The following DMD variants were observed in gnomAD, a reference collection of about 807,000 sequenced individuals.
The protein encoded by DMD is dystrophin.
DMD carries 63 observed loss-of-function variants against 330.1 expected under a neutral mutation model. The ratio of observed to expected loss-of-function variants is 0.19; its 90% CI spans 0.16 to 0.24. DMD has a LOEUF of 0.24. DMD is among the 10% of genes least tolerant of loss of function. The pLI is 1.00. For missense variants in DMD, 3,344 were observed against 2,684.1 expected (o/e 1.25, Z -5.43); for synonymous variants, 1,223 against 959.8 (o/e 1.27, Z -5.07).
At chrX:32,260,052 C>CCCT (rs1184456270) in intron 43 of DMD, among the ~76,000 whole-genome samples, 76 of 111,107 alleles carry the variant, frequency 6.8e-4, no homozygotes, top group Non-Finnish European at 1.3e-3. Flanking sequence ...AAAATTAGTA[C>CCCT]TCTTTGGATA....
intron 7 of DMD, among the ~76,000 whole-genome samples, chrX:32,758,857 C>T (rs1301089273): frequency 9.0e-6 from 1 of 111,614 alleles, no homozygotes; most frequent in African/African-American, 3.3e-5. Context: ...AAAGCCAGAA[C>T]AATGAGACCA....
chrX:32,173,811 C>T (rs73456200), intron 44 of DMD, among the ~76,000 whole-genome samples: 3,064 of 111,652 alleles, frequency 0.027, 109 homozygotes, highest in African/African-American at 0.091. Flanking sequence ...ATCTCATTTT[C>T]CTGTTACCTG....
At chrX:31,123,144 A>C (rs893164791) in intron 78 of DMD, among the ~76,000 whole-genome samples, 3 of 111,880 alleles carry the variant, frequency 2.7e-5, no homozygotes, top group African/African-American at 9.7e-5. Context: ...ATTTCAAGAG[A>C]TATAGCTTCT....
intron 44 of DMD, among the ~76,000 whole-genome samples, chrX:32,209,863 A>G (rs2097086882): frequency 1.8e-5 from 2 of 111,882 alleles, no homozygotes; most frequent in South Asian, 7.5e-4. Flanking sequence ...ACGGAAGTCT[A>G]ATAACAAGCC....
chrX:31,781,759 CATTGT>C (rs1273424990), intron 50 of DMD, among the ~76,000 whole-genome samples: 1 of 111,380 alleles, frequency 9.0e-6, no homozygotes, highest in Non-Finnish European at 1.9e-5. Context: ...CTGTCCTGTG[CATTGT>C]AGGATCAGAA....
intron 4 of DMD, among the ~76,000 whole-genome samples, chrX:32,834,046 G>T (rs977369817): frequency 2.7e-5 from 3 of 111,111 alleles, no homozygotes; most frequent in African/African-American, 9.8e-5. Flanking sequence ...TTGTATATTT[G>T]TATCTTCCAT....
intron 17 of DMD, among the ~76,000 whole-genome samples, chrX:32,538,526 G>A (rs2048202876): frequency 9.0e-6 from 1 of 111,157 alleles, no homozygotes. Context: ...GCACCCAGGT[G>A]AAATAGACAG....
intron 54 of DMD, among the ~76,000 whole-genome samples, chrX:31,634,405 A>C (rs1006442102): frequency 9.0e-6 from 1 of 111,186 alleles, no homozygotes; most frequent in African/African-American, 3.3e-5. Flanking sequence ...ACTCATTCCC[A>C]TCTTTTGTCA....
At chrX:32,377,385 G>A (rs1420308078) in intron 34 of DMD, among the ~76,000 whole-genome samples, 2 of 111,835 alleles carry the variant, frequency 1.8e-5, no homozygotes, top group Non-Finnish European at 3.8e-5. Context: ...GGTTCCTAGA[G>A]AAGTCAACAT....
chrX:32,651,824 CAGAAAA>C (rs1569396333), intron 9 of DMD, among the ~76,000 whole-genome samples: 1 of 112,124 alleles, frequency 8.9e-6, no homozygotes, highest in Non-Finnish European at 1.9e-5. Flanking sequence ...AAAACATAAA[CAGAAAA>C]AGAAGTCAGA....
intron 43 of DMD, among the ~76,000 whole-genome samples, chrX:32,277,727 A>G (rs2097395934): frequency 9.0e-6 from 1 of 111,386 alleles, no homozygotes; most frequent in African/African-American, 3.3e-5. Context: ...CACTGGGTCT[A>G]TGAAGAAATT....
intron 45 of DMD, among the ~76,000 whole-genome samples, chrX:31,952,408 C>T (rs2095194088): frequency 9.2e-6 from 1 of 108,627 alleles, no homozygotes; most frequent in African/African-American, 3.4e-5. Flanking sequence ...CTCTGACATT[C>T]AGATTGGATA....
rs1191335690 is a variant in DMD at position 32,536,264 on chromosome X, C to CAAAAAAAA, written c.2168+8887_2168+8894dup. ...TGGCAACAGAGTGAGACTCCGTCTC[C>CAAAAAAAA]AAAAAAAAAAAAAAAAAAAAAAAAC... On this transcript the variant is annotated intron_variant, in intron 17 of 78. Transcript: ENST00000357033. Among the ~76,000 whole-genome samples, 88 of 36,341 alleles carry CAAAAAAAA rather than the reference C, an allele frequency of 2.4e-3. 4 individuals carry two copies. Among genetic ancestry groups the CAAAAAAAA allele is most frequent in the African/African-American group, 9.8e-3 (82 of 8,375 alleles). 31.6% of individuals were successfully genotyped at this position (36,341 alleles called of 115,157 possible).
chrX:31,592,342 G>A (rs1159505626), intron 55 of DMD, among the ~76,000 whole-genome samples: 1 of 98,903 alleles, frequency 1.0e-5, no homozygotes, highest in East Asian at 3.2e-4. Flanking sequence ...TAAAAAAAAA[G>A]TAAAAATAAA....
chrX:31,592,006 G>A (rs1243795473), intron 55 of DMD, among the ~76,000 whole-genome samples: 1 of 110,357 alleles, frequency 9.1e-6, no homozygotes, highest in Non-Finnish European at 1.9e-5. Context: ...GTCCTATTGG[G>A]CAGTTATCCA....
chrX:32,747,876 T>C (rs369490936), intron 7 of DMD, among the ~76,000 whole-genome samples: 1 of 111,564 alleles, frequency 9.0e-6, no homozygotes, highest in South Asian at 3.7e-4. Context: ...AAGTTGACTA[T>C]TCATGTGACA....
At chrX:31,392,164 G>T (rs2060711664) in intron 60 of DMD, among the ~76,000 whole-genome samples, 1 of 112,122 alleles carries the variant, frequency 8.9e-6, no homozygotes, top group South Asian at 3.7e-4. Context: ...GACAAGAACT[G>T]CCACTCTTCC....
intron 26 of DMD, among the ~76,000 whole-genome samples, chrX:32,451,490 C>A (rs1468550278): frequency 1.8e-5 from 2 of 110,527 alleles, no homozygotes; most frequent in African/African-American, 6.6e-5. Flanking sequence ...TTGCTGATCT[C>A]CATAAAAGTT....
chrX:31,916,103 C>T (rs1423364037), intron 47 of DMD, among the ~76,000 whole-genome samples: 32 of 111,528 alleles, frequency 2.9e-4, no homozygotes, highest in African/African-American at 9.1e-4. Flanking sequence ...AGCCCAGGAG[C>T]GCTTGCCGAA....
Sources: gnomAD v4.1 joint callset for allele counts (sites outside exome capture counted in the v4.1 genomes callset) on GRCh38, gnomAD v4.1.1 for gene constraint, MANE v1.5 for transcripts, NCBI Gene and HGNC (gene_info 2026-07-23, HGNC 2026-07-21) for gene names.